The following CDH18 variants were observed in gnomAD, a reference collection of about 807,000 sequenced individuals.
CDH18 encodes cadherin-18.
In CDH18, 31 loss-of-function variants were observed where a neutral mutation model predicts 67.9. The observed-to-expected ratio is 0.46, with a 90% CI of 0.34 to 0.62. The LOEUF (loss-of-function observed/expected upper bound fraction) is 0.62, where lower values mean the gene tolerates loss of function less well. Among genes scored for constraint, CDH18 ranks in the 20% least tolerant of loss-of-function variants. The pLI is 0.01. For missense variants in CDH18, 890 were observed against 975.5 expected, an observed-to-expected ratio of 0.91 and a Z score of 1.17; for synonymous variants, 362 against 347.2, an observed-to-expected ratio of 1.04 and a Z score of -0.48.
At chr5:20,375,005 T>G (rs949524774) in intron 1 of CDH18, among the ~76,000 whole-genome samples, 1 of 152,200 alleles carries the variant, frequency 6.6e-6, no homozygotes, top group Non-Finnish European at 1.5e-5. Context: ...ATGAAGCATT[T>G]ATTTTTAAAT....
At chr5:20,223,229 A>T (rs1474176831) in intron 2 of CDH18, among the ~76,000 whole-genome samples, 1 of 152,112 alleles carries the variant, frequency 6.6e-6, no homozygotes, top group Non-Finnish European at 1.5e-5. Flanking sequence ...GGATGTGAGA[A>T]ATGGAGCCAA....
chr5:19,923,034 A>G (rs954667840), intron 2 of CDH18, among the ~76,000 whole-genome samples: 5 of 152,124 alleles, frequency 3.3e-5, no homozygotes, highest in Non-Finnish European at 7.4e-5. Flanking sequence ...ATCTATTTCT[A>G]TCCGGTCAGA....
chr5:20,272,640 C>T (rs1322749515), intron 1 of CDH18, among the ~76,000 whole-genome samples: 2 of 151,872 alleles, frequency 1.3e-5, no homozygotes, highest in East Asian at 1.9e-4. Context: ...AAAACTGAAG[C>T]TAAATGTAAA....
At chr5:20,542,498 GTATA>G (rs1450511244) in intron 1 of CDH18, among the ~76,000 whole-genome samples, 2 of 151,146 alleles carry the variant, frequency 1.3e-5, no homozygotes, top group Non-Finnish European at 2.9e-5. Flanking sequence ...TATATTGTGT[GTATA>G]TATATTGTGC....
At chr5:20,448,093 C>G (rs1280722772) in intron 1 of CDH18, among the ~76,000 whole-genome samples, 1 of 151,898 alleles carries the variant, frequency 6.6e-6, no homozygotes, top group African/African-American at 2.4e-5. Flanking sequence ...TGATGTTCCC[C>G]TTCCCATATC....
chr5:19,684,806 G>A (rs1453404395), intron 5 of CDH18, among the ~76,000 whole-genome samples: 2 of 152,054 alleles, frequency 1.3e-5, no homozygotes, highest in Non-Finnish European at 2.9e-5. Flanking sequence ...GAAGTTTCGA[G>A]AGGTAGATCC....
chr5:20,419,918 G>A (rs1438560110), intron 1 of CDH18, among the ~76,000 whole-genome samples: 1 of 150,796 alleles, frequency 6.6e-6, no homozygotes, highest in East Asian at 1.9e-4. Context: ...CAGAAAAAAC[G>A]ACAGATTTCC....
chr5:19,930,345 T>C lies in CDH18; in HGVS notation c.-257+50715A>G, dbSNP rs759286197. Among the ~76,000 whole-genome samples, 11 of 152,016 alleles carry C rather than the reference T, an allele frequency of 7.2e-5. No homozygotes were observed. In the East Asian group the frequency reaches 2.1e-3, roughly 29 times the overall value. ...GAGCGAGCAAGGAGAAACATATGTG[T>C]ACACACTGAAGAAGCAGAGTTAGAA... On this transcript the variant is annotated intron_variant, in intron 2 of 12. Coordinates refer to ENST00000382275, the MANE Select transcript of CDH18 (RefSeq NM_004934.5).
chr5:19,484,388 C>A (rs535612337), intron 11 of CDH18, among the ~76,000 whole-genome samples: 7 of 152,194 alleles, frequency 4.6e-5, no homozygotes, highest in Non-Finnish European at 1.0e-4. Flanking sequence ...CTCAACACCA[C>A]AATGTCACAT....
chr5:19,586,711 T>C (rs1744207360), intron 7 of CDH18, among the ~76,000 whole-genome samples: 1 of 152,222 alleles, frequency 6.6e-6, no homozygotes, highest in Non-Finnish European at 1.5e-5. Flanking sequence ...GATATTCCTT[T>C]GGGTATATAC....
intron 5 of CDH18, among the ~76,000 whole-genome samples, chr5:19,628,543 G>A (rs1823155): frequency 0.57 from 85,861 of 151,800 alleles, 27,103 homozygotes; most frequent in South Asian, 0.75. Flanking sequence ...GTTTCCTGAT[G>A]TCATAGTCAT....
intron 2 of CDH18, among the ~76,000 whole-genome samples, chr5:19,844,325 C>T (rs1782680197): frequency 6.6e-6 from 1 of 152,066 alleles, no homozygotes; most frequent in Non-Finnish European, 1.5e-5. Flanking sequence ...GGACTAGTCC[C>T]CCATGCTCTT....
intron 5 of CDH18, among the ~76,000 whole-genome samples, chr5:19,695,504 T>TA (rs1354774187): frequency 1.3e-5 from 2 of 152,110 alleles, no homozygotes; most frequent in Non-Finnish European, 2.9e-5. Context: ...ATTAAGAGCC[T>TA]AAAAATGCAT....
Position 20,199,898 on chromosome 5 carries a change from C to A in CDH18, c.-518+55546G>T, listed in dbSNP as rs775686339. Among the ~76,000 whole-genome samples the A allele has an allele frequency of 5.6e-4, 85 of 152,128 alleles. 1 individual carries two copies. Among genetic ancestry groups the A allele is most frequent in the Non-Finnish European group, 1.6e-4 (11 of 68,044 alleles). On this transcript the variant is annotated intron_variant, in intron 2 of 14. Transcript: ENST00000507958. ...TGGCATTCATTCTCTCTCCTGCTACCTTGTGATGAAGGTGACTTCCTCCCC... is the reference window on the plus strand; with the variant it reads ...TGGCATTCATTCTCTCTCCTGCTACATTGTGATGAAGGTGACTTCCTCCCC...
chr5:19,709,310 A>G (rs3934102), intron 5 of CDH18, among the ~76,000 whole-genome samples: 147,050 of 152,224 alleles, frequency 0.97, 71,217 homozygotes, highest in Middle Eastern at 1. Context: ...GCTCATGCTT[A>G]TAATCCCAGC....
chr5:19,997,097 A>T (rs983759752), intron 2 of CDH18, among the ~76,000 whole-genome samples: 2 of 152,052 alleles, frequency 1.3e-5, no homozygotes, highest in African/African-American at 4.8e-5. Context: ...ACTTTCAATG[A>T]GTTGATAAAG....
intron 2 of CDH18, among the ~76,000 whole-genome samples, chr5:19,896,335 G>A (rs1484404756): frequency 6.6e-6 from 1 of 151,946 alleles, no homozygotes; most frequent in East Asian, 1.9e-4. Context: ...GGCAACAAGA[G>A]TAAAACTCCC....
intron 1 of CDH18, among the ~76,000 whole-genome samples, chr5:20,530,815 A>G (rs1013691691): frequency 2.0e-5 from 3 of 152,080 alleles, no homozygotes; most frequent in Non-Finnish European, 4.4e-5. Context: ...ACCATTCAGG[A>G]CACAGGCATG....
At chr5:19,479,521 T>C (rs1739040256) in intron 12 of CDH18, among the ~76,000 whole-genome samples, 1 of 152,202 alleles carries the variant, frequency 6.6e-6, no homozygotes, top group Non-Finnish European at 1.5e-5. Context: ...TATTGCATTA[T>C]AATATATAAT....
Sources: gnomAD v4.1 joint callset for allele counts (sites outside exome capture counted in the v4.1 genomes callset) on GRCh38, gnomAD v4.1.1 for gene constraint, MANE v1.5 for transcripts, NCBI Gene and HGNC (gene_info 2026-07-23, HGNC 2026-07-21) for gene names.